Variants in STAU2 observed in about 807,000 individuals in gnomAD.
The protein encoded by STAU2 is staufen double-stranded RNA binding protein 2, also known as double-stranded RNA-binding protein Staufen homolog 2.
STAU2 carries 20 observed loss-of-function variants against 65.9 expected under a neutral mutation model. The observed-to-expected ratio is 0.30, with a 90% CI of 0.21 to 0.44. STAU2 has a LOEUF of 0.44. STAU2 is among the 20% of genes least tolerant of loss of function. STAU2 has a pLI of 1.00. For missense variants in STAU2, 558 were observed against 683.9 expected (o/e 0.82, Z 2.05); for synonymous variants, 232 against 233.9 (o/e 0.99, Z 0.07).
At position 73,443,104 on chromosome 8, in the gene STAU2, T is replaced by C. The variant is rs201759542; in HGVS notation, c.1531-20402A>G. On this transcript the variant is annotated intron_variant, in intron 13 of 14. Transcript: ENST00000524300. ...TAGAAATGCCTGACATTCAATTGGA[T>C]AGAATTATATATTGAAATAGATTGT... 1.2e-3 allele frequency among the ~76,000 whole-genome samples: 176 copies of C among 152,282 alleles called. 1 individual carries two copies. The highest frequency in any genetic ancestry group is 3.9e-3 in the African/African-American group (163 of 41,552).
chr8:73,447,117 T>C (rs1443411723), intron 13 of STAU2, among the ~76,000 whole-genome samples: 2 of 152,152 alleles, frequency 1.3e-5, no homozygotes, highest in African/African-American at 2.4e-5. Flanking sequence ...GGCTAATTTT[T>C]GTATTTTCAG....
intron 6 of STAU2, among the ~76,000 whole-genome samples, chr8:73,622,880 G>C (rs1253652882): frequency 6.6e-6 from 1 of 152,214 alleles, no homozygotes; most frequent in African/African-American, 2.4e-5. Context: ...GACTAAATCT[G>C]ACAAATGCTG....
chr8:73,735,978 G>A (rs1266209087), intron 3 of STAU2, among the ~76,000 whole-genome samples: 2 of 152,210 alleles, frequency 1.3e-5, no homozygotes, highest in African/African-American at 4.8e-5. Flanking sequence ...CAACTTCACA[G>A]CTATAACAGT....
At chr8:73,671,824 A>G (rs1586239350) in intron 6 of STAU2, among the ~76,000 whole-genome samples, 1 of 151,930 alleles carries the variant, frequency 6.6e-6, no homozygotes, top group Non-Finnish European at 1.5e-5. Flanking sequence ...GAAGTTCAAG[A>G]CCCCCAGCCT....
At chr8:73,608,133 G>A (rs563784527) in intron 9 of STAU2, among the ~76,000 whole-genome samples, 1 of 152,274 alleles carries the variant, frequency 6.6e-6, no homozygotes, top group East Asian at 1.9e-4. Flanking sequence ...GTTTTAAGCA[G>A]AGGCATGATA....
chr8:73,734,559 G>C (rs1806296358), intron 3 of STAU2, among the ~76,000 whole-genome samples: 1 of 152,104 alleles, frequency 6.6e-6, no homozygotes, highest in African/African-American at 2.4e-5. Context: ...ACTTTGAAAG[G>C]CCAAGGCAGG....
chr8:73,726,626 T>C (rs1805652935), intron 3 of STAU2, among the ~76,000 whole-genome samples: 1 of 152,200 alleles, frequency 6.6e-6, no homozygotes. Flanking sequence ...CTGATGTGTG[T>C]CTTATCTGCT....
intron 3 of STAU2, among the ~76,000 whole-genome samples, chr8:73,716,188 A>C (rs1821238489): frequency 6.6e-6 from 1 of 150,840 alleles, no homozygotes; most frequent in Non-Finnish European, 1.5e-5. Flanking sequence ...TCCCGGGTTC[A>C]CGCCATTCTC....
upstream of STAU2, chr8:73,747,411 C>G (rs1807363403): frequency 1.3e-6 from 2 of 1,535,486 alleles, no homozygotes; most frequent in Non-Finnish European, 1.7e-6. Flanking sequence ...CCGGCTGCCC[C>G]TCTGTGCTGT....
At chr8:73,580,863 T>C (rs1259821906) in intron 12 of STAU2, among the ~76,000 whole-genome samples, 2 of 152,214 alleles carry the variant, frequency 1.3e-5, no homozygotes, top group Non-Finnish European at 2.9e-5. Context: ...TCTCACCTCC[T>C]TACAGCTGGG....
At position 73,495,442 on chromosome 8, in the gene STAU2, C is replaced by A. The variant is rs540364873; in HGVS notation, c.1530+56570G>T. On this transcript the variant is annotated intron_variant, in intron 13 of 14. Coordinates refer to ENST00000524300, the MANE Select transcript of STAU2 (RefSeq NM_001164380.2). ...GTTTATCTTAAGCATTTACATTTTT[C>A]TTCTAACAAGTTATTTTTTAAAACA... Among the ~76,000 whole-genome samples, 42 of 151,318 alleles carry A rather than the reference C, an allele frequency of 2.8e-4. 1 individual carries two copies. The East Asian group carries it at 7.6e-3, about 27-fold the overall frequency.
intron 13 of STAU2, chr8:73,551,227 G>A: frequency 2.0e-6 from 2 of 987,510 alleles, no homozygotes; most frequent in Non-Finnish European, 2.4e-6. Flanking sequence ...ATAAAGGAGT[G>A]CTGATTTTTG....
intron 6 of STAU2, chr8:73,672,409 T>G (rs776788347): frequency 2.0e-5 from 3 of 152,156 alleles, no homozygotes; most frequent in African/African-American, 4.8e-5. Context: ...TGTATCTCGA[T>G]CTGAGTGGTG....
intron 13 of STAU2, among the ~76,000 whole-genome samples, chr8:73,519,996 T>G (rs954795739): frequency 1.3e-5 from 2 of 152,196 alleles, no homozygotes; most frequent in Admixed American, 1.3e-4. Context: ...GAGTGACATC[T>G]TGGCTGAATC....
chr8:73,741,196 T>A (rs1420469545), intron 1 of STAU2, among the ~76,000 whole-genome samples: 3 of 145,668 alleles, frequency 2.1e-5, no homozygotes, highest in African/African-American at 7.8e-5. Flanking sequence ...TCCCAGCTAC[T>A]CGGGAGGCTG....
At chr8:73,423,781 C>T (rs75346547) in intron 13 of STAU2, among the ~76,000 whole-genome samples, 7,854 of 152,184 alleles carry the variant, frequency 0.052, 437 homozygotes, top group African/African-American at 0.14. Context: ...AAAACTTGGG[C>T]AGGTAGTACA....
rs531942876 is a variant in STAU2, at chr8:73,727,245, TA to T, written c.-18+11038del. 2.6e-5 allele frequency among the ~76,000 whole-genome samples: 4 copies of T among 152,106 alleles called. No individual in the cohort carries two copies. In the South Asian group the frequency reaches 8.3e-4, roughly 32 times the overall value. The stretch of plus-strand genomic sequence containing the variant: ...ACTACATCTCAAAAAAATAAATAAA[TA>T]AAAAATAAACTGAATATTCCAGTGG... On this transcript the variant is annotated intron_variant, in intron 3 of 14. Transcript: ENST00000524300.
intron 11 of STAU2, among the ~76,000 whole-genome samples, chr8:73,585,537 G>A (rs1006331619): frequency 1.3e-5 from 2 of 152,214 alleles, no homozygotes; most frequent in African/African-American, 2.4e-5. Flanking sequence ...TTTCATCTGA[G>A]AGCTATGCCT....
At chr8:73,643,789 A>G (rs1815163256) in intron 6 of STAU2, among the ~76,000 whole-genome samples, 1 of 152,248 alleles carries the variant, frequency 6.6e-6, no homozygotes, top group Non-Finnish European at 1.5e-5. Context: ...ACAATACATT[A>G]TGGTGTATTA....
Sources: gnomAD v4.1 joint callset for allele counts (sites outside exome capture counted in the v4.1 genomes callset) on GRCh38, gnomAD v4.1.1 for gene constraint, MANE v1.5 for transcripts, NCBI Gene and HGNC (gene_info 2026-07-23, HGNC 2026-07-21) for gene names.